The following TRIM2 variants were observed in gnomAD, a reference collection of about 807,000 sequenced individuals.
TRIM2 encodes tripartite motif-containing protein 2.
In TRIM2, 20 loss-of-function variants were observed where a neutral mutation model predicts 75.2. The observed-to-expected ratio is 0.27, with a 90% CI of 0.19 to 0.39. The LOEUF (loss-of-function observed/expected upper bound fraction) is 0.39. TRIM2 is among the 10% of genes least tolerant of loss of function. The pLI is 1.00. For synonymous variants in TRIM2, 373 were observed against 388.3 expected (o/e 0.96, Z 0.46); for missense variants, 660 against 990.8 (o/e 0.67, Z 4.48).
At position 153,326,301 on chromosome 4, in the gene TRIM2, G is replaced by A. The variant is rs377239101; in HGVS notation, c.2022+2153G>A. 3.3e-5 allele frequency among the ~76,000 whole-genome samples: 5 copies of A among 152,154 alleles called. No homozygotes were observed. In the East Asian group the frequency reaches 9.6e-4, roughly 29 times the overall value. ...TGAAAACTCTTCAAGTTTTCAGCAT[G>A]GTAGAAGTAGATTATTTTAGCTATT... On this transcript the variant is annotated intron_variant, in intron 10 of 11. Transcript: ENST00000338700.
At chr4:153,194,309 T>C (rs1181407473) in intron 1 of TRIM2, among the ~76,000 whole-genome samples, 2 of 152,234 alleles carry the variant, frequency 1.3e-5, no homozygotes, top group East Asian at 1.9e-4. Flanking sequence ...AATTGTGGTA[T>C]GTGCATATAA....
At chr4:153,183,834 T>G (rs1223663042) in intron 1 of TRIM2, among the ~76,000 whole-genome samples, 1 of 152,172 alleles carries the variant, frequency 6.6e-6, no homozygotes, top group African/African-American at 2.4e-5. Context: ...CTTGTAGGTG[T>G]AAGGGAGACA....
At chr4:153,237,940 C>T (rs917124478) in intron 1 of TRIM2, among the ~76,000 whole-genome samples, 4 of 152,134 alleles carry the variant, frequency 2.6e-5, no homozygotes, top group African/African-American at 9.7e-5. Context: ...CATTTGAAAG[C>T]TTCTGTGGGA....
chr4:153,232,531 A>T (rs1743923724), intron 1 of TRIM2, among the ~76,000 whole-genome samples: 1 of 151,986 alleles, frequency 6.6e-6, no homozygotes, highest in Non-Finnish European at 1.5e-5. Flanking sequence ...TTTCAAAAAT[A>T]AAAAAAATTG....
chr4:153,152,352 G>A (rs189763040), upstream of TRIM2: 113 of 151,336 alleles, frequency 7.5e-4, no homozygotes, highest in African/African-American at 2.5e-3. Context: ...CCTGGGGCGT[G>A]GTCGCCGGGC....
chr4:153,265,880 C>T (rs1001311625), intron 1 of TRIM2: 8 of 152,096 alleles, frequency 5.3e-5, no homozygotes, highest in Non-Finnish European at 1.0e-4. Flanking sequence ...ACTGAATGAC[C>T]TTGGGCCAGT....
intron 1 of TRIM2, among the ~76,000 whole-genome samples, chr4:153,153,544 A>G (rs973087715): frequency 6.6e-6 from 1 of 152,200 alleles, no homozygotes; most frequent in African/African-American, 2.4e-5. Flanking sequence ...TCCACACACA[A>G]AGGAAATAAC....
At chr4:153,325,752 T>A (rs750729552) in intron 10 of TRIM2, among the ~76,000 whole-genome samples, 1 of 152,232 alleles carries the variant, frequency 6.6e-6, no homozygotes, top group African/African-American at 2.4e-5. Flanking sequence ...AAGACAGTCA[T>A]AATTAATCAA....
intron 1 of TRIM2, among the ~76,000 whole-genome samples, chr4:153,198,396 G>A (rs953719788): frequency 2.2e-4 from 33 of 152,148 alleles, no homozygotes; most frequent in Admixed American, 7.9e-4. Context: ...TTTATCAGGC[G>A]TTTCTGCTTT....
intron 4 of TRIM2, among the ~76,000 whole-genome samples, chr4:153,293,917 G>C (rs1046653203): frequency 9.9e-5 from 15 of 152,186 alleles, no homozygotes; most frequent in African/African-American, 3.6e-4. Flanking sequence ...GTTGGGGAGA[G>C]GGAGGCAGGG....
chr4:153,322,439 A>G (rs1769217110), intron 8 of TRIM2, among the ~76,000 whole-genome samples: 1 of 152,158 alleles, frequency 6.6e-6, no homozygotes, highest in African/African-American at 2.4e-5. Context: ...AAATAAAAGA[A>G]TAAGGATTTA....
intron 1 of TRIM2, among the ~76,000 whole-genome samples, chr4:153,184,919 C>A (rs1266467224): frequency 6.6e-6 from 1 of 152,116 alleles, no homozygotes; most frequent in East Asian, 1.9e-4. Context: ...TGCACTCCAG[C>A]CTGGGTGACA....
chr4:153,197,577 T>G (rs972131769), intron 1 of TRIM2, among the ~76,000 whole-genome samples: 3 of 152,070 alleles, frequency 2.0e-5, no homozygotes, highest in African/African-American at 7.2e-5. Context: ...TGAATGGGAT[T>G]AGTGCTCTTA....
intron 1 of TRIM2, among the ~76,000 whole-genome samples, chr4:153,187,242 GA>G (rs1052134491): frequency 7.2e-5 from 11 of 152,056 alleles, no homozygotes; most frequent in Admixed American, 4.6e-4. Context: ...CCCAAAGGAT[GA>G]AAAAAAATTT....
intron 1 of TRIM2, among the ~76,000 whole-genome samples, chr4:153,176,791 A>G (rs185226745): frequency 6.6e-6 from 1 of 152,160 alleles, no homozygotes; most frequent in Admixed American, 6.5e-5. Flanking sequence ...TTGAATTTTT[A>G]GTAGAGACAG....
At chr4:153,305,994 G>A (rs987490884) in intron 6 of TRIM2, among the ~76,000 whole-genome samples, 3 of 152,086 alleles carry the variant, frequency 2.0e-5, no homozygotes, top group Admixed American at 2.0e-4. Context: ...AATTAGCTGG[G>A]CATGGTGACG....
intron 6 of TRIM2, among the ~76,000 whole-genome samples, chr4:153,314,682 C>A (rs1035296967): frequency 2.6e-5 from 4 of 151,898 alleles, no homozygotes; most frequent in African/African-American, 9.7e-5. Context: ...CTACAAAGCA[C>A]CCTGCGAGAA....
intron 1 of TRIM2, among the ~76,000 whole-genome samples, chr4:153,244,149 T>C (rs936850241): frequency 5.8e-4 from 78 of 134,820 alleles, no homozygotes; most frequent in East Asian, 3.3e-3. Context: ...TTCTTGTTCT[T>C]CTTGTTCTTC....
intron 1 of TRIM2, among the ~76,000 whole-genome samples, chr4:153,262,004 T>C (rs1753698439): frequency 6.6e-6 from 1 of 152,216 alleles, no homozygotes; most frequent in African/African-American, 2.4e-5. Context: ...AGGATTTTGT[T>C]ATGTGATCAT....
Sources: gnomAD v4.1 joint callset for allele counts (sites outside exome capture counted in the v4.1 genomes callset) on GRCh38, gnomAD v4.1.1 for gene constraint, MANE v1.5 for transcripts, NCBI Gene and HGNC (gene_info 2026-07-23, HGNC 2026-07-21) for gene names.